The following SLC25A26 variants were observed in gnomAD, a reference collection of about 807,000 sequenced individuals.
SLC25A26 encodes the protein mitochondrial S-adenosylmethionine carrier protein.
In SLC25A26, 36 loss-of-function variants were observed where a neutral mutation model predicts 37.8. The observed-to-expected ratio is 0.95, with a 90% confidence interval of 0.73 to 1.26. The LOEUF (loss-of-function observed/expected upper bound fraction) is 1.26, where lower values mean the gene tolerates loss of function less well. SLC25A26 is among the 50% of genes most tolerant of loss of function. The pLI is 0.00. For synonymous variants in SLC25A26, 129 were observed against 122.5 expected (o/e 1.05, Z -0.35); for missense variants, 390 against 331.1 (o/e 1.18, Z -1.38).
intron 6 of SLC25A26, among the ~76,000 whole-genome samples, chr3:66,348,976 T>TTA (rs2107750050): frequency 6.6e-6 from 1 of 152,332 alleles, no homozygotes; most frequent in South Asian, 2.1e-4. Context: ...AAGACTTACT[T>TTA]TATTAGTGTC....
intron 3 of SLC25A26, among the ~76,000 whole-genome samples, chr3:66,245,950 T>G (rs959936730): frequency 2.0e-5 from 3 of 152,188 alleles, no homozygotes; most frequent in African/African-American, 7.2e-5. Flanking sequence ...TCTTACCCAT[T>G]GCAGTCACAA....
intron 1 of SLC25A26, among the ~76,000 whole-genome samples, chr3:66,229,594 T>C (rs1174122566): frequency 6.6e-6 from 1 of 152,212 alleles, no homozygotes; most frequent in Non-Finnish European, 1.5e-5. Context: ...TCTGGCATGA[T>C]TGTAAGTTTC....
intron 5 of SLC25A26, among the ~76,000 whole-genome samples, chr3:66,328,182 A>G (rs149786578): frequency 2.4e-4 from 36 of 152,264 alleles, no homozygotes; most frequent in African/African-American, 8.7e-4. Flanking sequence ...TTTGTTTAGT[A>G]TTGTGATGAT....
At chr3:66,343,834 C>T (rs1459143741) in intron 5 of SLC25A26, among the ~76,000 whole-genome samples, 1 of 152,092 alleles carries the variant, frequency 6.6e-6, no homozygotes, top group Non-Finnish European at 1.5e-5. Flanking sequence ...TTTTAGAAAC[C>T]TATTACACAG....
chr3:66,300,351 T>G (rs1008775376), intron 5 of SLC25A26, among the ~76,000 whole-genome samples: 3 of 151,298 alleles, frequency 2.0e-5, no homozygotes, highest in African/African-American at 7.3e-5. Context: ...GGAGACCTTT[T>G]GTAATGGTCA....
intron 3 of SLC25A26, among the ~76,000 whole-genome samples, chr3:66,245,560 G>A (rs2072793922): frequency 6.6e-6 from 1 of 150,866 alleles, no homozygotes; most frequent in Non-Finnish European, 1.5e-5. Context: ...GAAAAGTAAT[G>A]GCATATGTTT....
chr3:66,216,848 T>C (rs1387871473), upstream of SLC25A26, among the ~76,000 whole-genome samples: 4 of 152,190 alleles, frequency 2.6e-5, no homozygotes, highest in Non-Finnish European at 5.9e-5. Flanking sequence ...TGAGAACATA[T>C]GCTGCCTGCA....
intron 1 of SLC25A26, among the ~76,000 whole-genome samples, chr3:66,201,330 A>G (rs961036965): frequency 3.3e-5 from 5 of 151,886 alleles, no homozygotes; most frequent in Admixed American, 6.6e-5. Flanking sequence ...GTTTATATAC[A>G]TATGTGTGTA....
At chr3:66,318,683 C>T (rs1488712311) in intron 5 of SLC25A26, among the ~76,000 whole-genome samples, 1 of 151,510 alleles carries the variant, frequency 6.6e-6, no homozygotes, top group African/African-American at 2.4e-5. Context: ...TTTTTTGAGA[C>T]AGGCTCGGAG....
chr3:66,279,160 G>A (rs911624081), intron 5 of SLC25A26, among the ~76,000 whole-genome samples: 2 of 152,082 alleles, frequency 1.3e-5, no homozygotes, highest in African/African-American at 4.8e-5. Flanking sequence ...TATGAAAAAG[G>A]CATTATTTGC....
chr3:66,256,499 A>C (rs1429568464), intron 3 of SLC25A26, among the ~76,000 whole-genome samples: 1 of 152,208 alleles, frequency 6.6e-6, no homozygotes, highest in Non-Finnish European at 1.5e-5. Flanking sequence ...AGAATTTAGA[A>C]AATATAGGTA....
intron 1 of SLC25A26, among the ~76,000 whole-genome samples, chr3:66,153,175 G>T (rs529971710): frequency 6.6e-6 from 1 of 152,088 alleles, no homozygotes; most frequent in East Asian, 1.9e-4. Context: ...GATAACTTTT[G>T]GTGTTACTAC....
At chr3:66,234,937 A>C (rs1434513121) in intron 1 of SLC25A26, among the ~76,000 whole-genome samples, 1 of 152,204 alleles carries the variant, frequency 6.6e-6, no homozygotes, top group Non-Finnish European at 1.5e-5. Flanking sequence ...TTAGTTAAAA[A>C]ATTACTATGT....
chr3:66,258,223 T>G (rs919310293), intron 3 of SLC25A26, among the ~76,000 whole-genome samples: 3 of 152,142 alleles, frequency 2.0e-5, no homozygotes, highest in Non-Finnish European at 4.4e-5. Context: ...GGGGGAAATC[T>G]GAGAAAAGGG....
rs1700812005 is a variant in SLC25A26 at position 66,378,445 on chromosome 3, A to G, written c.*638A>G. On this transcript the variant is annotated 3_prime_UTR_variant, in exon 10 of 10. Transcript: ENST00000354883. ...AGCGCCCCCTGTGGTGTGTGAGAGA[A>G]AGCAGCTGCAACTCAAGTGACTAGG... 1.3e-5 allele frequency: 2 copies of G among 152,706 alleles called. No homozygotes were observed. Among genetic ancestry groups the G allele is most frequent in the Admixed American group, 1.3e-4 (2 of 15,286 alleles). The allele number at this position is 152,706 out of a possible 1,614,324, so 9.5% of individuals were successfully genotyped here.
At chr3:66,216,065 T>A (rs914338159), upstream of SLC25A26, among the ~76,000 whole-genome samples, 1,420 of 152,294 alleles carry the variant, frequency 9.3e-3, 19 homozygotes, top group African/African-American at 0.032. Flanking sequence ...TTGTGAAGCT[T>A]CTTTTACGAA....
At chr3:66,294,001 C>G (rs1450412692) in intron 5 of SLC25A26, among the ~76,000 whole-genome samples, 1 of 151,948 alleles carries the variant, frequency 6.6e-6, no homozygotes, top group African/African-American at 2.4e-5. Flanking sequence ...GCTACCTGGG[C>G]TCTTTTTTTT....
At chr3:66,263,556 G>A (rs2073618927) in intron 5 of SLC25A26, 177 bp downstream of exon 5, 2 of 155,608 alleles carry the variant, frequency 1.3e-5, no homozygotes, top group East Asian at 3.8e-4. Flanking sequence ...AAAAGAATGA[G>A]TAGAATGGGT....
At chr3:66,341,246 G>A (rs1374716003) in intron 5 of SLC25A26, among the ~76,000 whole-genome samples, 2 of 152,072 alleles carry the variant, frequency 1.3e-5, no homozygotes, top group African/African-American at 4.8e-5. Flanking sequence ...GATTGAGGAA[G>A]TTCCTTCCCA....
Sources: gnomAD v4.1 joint callset for allele counts (sites outside exome capture counted in the v4.1 genomes callset) on GRCh38, gnomAD v4.1.1 for gene constraint, MANE v1.5 for transcripts, NCBI Gene and HGNC (gene_info 2026-07-23, HGNC 2026-07-21) for gene names.